The following DGKD variants were observed in gnomAD, a reference collection of about 807,000 sequenced individuals.
The protein encoded by DGKD is diacylglycerol kinase delta.
DGKD carries 68 observed loss-of-function variants against 154.4 expected under a neutral mutation model. The observed-to-expected ratio is 0.44, with a 90% CI of 0.36 to 0.54. DGKD has a LOEUF of 0.54. DGKD is among the 20% of genes least tolerant of loss of function. DGKD has a pLI of 0.00. For synonymous variants in DGKD, 693 were observed against 638.0 expected (o/e 1.09, Z -1.30); for missense variants, 1,343 against 1,593.6 (o/e 0.84, Z 2.68).
chr2:233,365,754 A>T (rs1701994890), intron 1 of DGKD, among the ~76,000 whole-genome samples: 1 of 152,308 alleles, frequency 6.6e-6, no homozygotes, highest in Non-Finnish European at 1.5e-5. Context: ...GAAAATCTCA[A>T]TGTATTTGGA....
At chr2:233,359,178 C>T (rs774299397) in intron 1 of DGKD, among the ~76,000 whole-genome samples, 3 of 152,184 alleles carry the variant, frequency 2.0e-5, no homozygotes, top group Non-Finnish European at 4.4e-5. Flanking sequence ...TCAGACCCTG[C>T]GCTTCTAGTT....
intron 11 of DGKD, among the ~76,000 whole-genome samples, 154 bp from the exon 12 acceptor site, chr2:233,446,558 C>T (rs750816595): frequency 1.9e-4 from 29 of 152,172 alleles, no homozygotes; most frequent in Non-Finnish European, 2.9e-4. Context: ...TGTTCTCAGC[C>T]AAGTTATGGG....
chr2:233,360,711 T>A (rs1293584115), intron 1 of DGKD, among the ~76,000 whole-genome samples: 1 of 152,178 alleles, frequency 6.6e-6, no homozygotes, highest in Non-Finnish European at 1.5e-5. Context: ...TGAGAGTAAA[T>A]CATCGTGAAC....
chr2:233,462,953 G>A (rs2063697374), intron 26 of DGKD, among the ~76,000 whole-genome samples: 4 of 152,216 alleles, frequency 2.6e-5, no homozygotes, highest in South Asian at 4.1e-4. Context: ...CGCTTGCAGC[G>A]GAAACACCCT....
rs574270540 is a variant in DGKD at position 233,457,985 on chromosome 2, G to T, written c.2581-299G>T. ...CTGGCCCCAGTCCTGGCACTCTGCAGCGTTAACTCACTTGGCCCTACTGAT... is the reference window on the plus strand; with the variant it reads ...CTGGCCCCAGTCCTGGCACTCTGCATCGTTAACTCACTTGGCCCTACTGAT... On this transcript the variant is annotated intron_variant, in intron 21 of 29. Coordinates refer to ENST00000264057, the MANE Select transcript of DGKD (RefSeq NM_152879.3). This position sits in a 1 kb window ranked among gnomAD's most constrained non-coding sequence, Gnocchi z 5.5. Among the ~76,000 whole-genome samples, 47 of 152,214 alleles carry T rather than the reference G, an allele frequency of 3.1e-4. No individual in the cohort carries two copies. The highest frequency in any genetic ancestry group is 6.0e-4 in the Non-Finnish European group (41 of 68,026).
At chr2:233,447,893 C>T (rs927431380) in intron 12 of DGKD, 194 bp from the exon 13 acceptor site, 15 of 1,417,950 alleles carry the variant, frequency 1.1e-5, no homozygotes, top group Non-Finnish European at 1.3e-5. Flanking sequence ...TAAAATCTCT[C>T]ACCTAGCACT....
chr2:233,428,868 T>G lies in DGKD; in HGVS notation c.349-5512T>G, dbSNP rs549576900. On this transcript the variant is annotated intron_variant, in intron 3 of 29. Transcript: ENST00000264057. ...CAACAGAACAGGCACAAATAAGAGG[T>G]TTTTTTTTGTTGTTGTTGTTGTTGT... is the stretch of plus-strand genomic sequence containing the variant. Among the ~76,000 whole-genome samples the G allele has an allele frequency of 5.8e-5, 8 of 137,426 alleles. No individual in the cohort carries two copies. In the East Asian group the frequency reaches 5.9e-4, roughly 10 times the overall value. The allele number at this position is 137,426 out of a possible 152,430, so 90.2% of individuals were successfully genotyped here.
At chr2:233,461,960 G>A (rs557497909) in intron 24 of DGKD, among the ~76,000 whole-genome samples, 23 of 152,364 alleles carry the variant, frequency 1.5e-4, no homozygotes, top group Admixed American at 6.5e-4. Flanking sequence ...TTTGTCCCCA[G>A]GGACAGACCG....
chr2:233,463,270 CT>C (rs2063709365), intron 26 of DGKD, among the ~76,000 whole-genome samples: 1 of 152,108 alleles, frequency 6.6e-6, no homozygotes, highest in Non-Finnish European at 1.5e-5. Context: ...CACCTCCTCA[CT>C]GCACGCGTCT....
rs780828373 is a variant in DGKD, at chr2:233,440,985, G to A, written c.1086-902G>A. 1.3e-5 allele frequency among the ~76,000 whole-genome samples: 2 copies of A among 152,164 alleles called. No individual in the cohort carries two copies. Among genetic ancestry groups the A allele is most frequent in the African/African-American group, 2.4e-5 (1 of 41,424 alleles). On this transcript the variant is annotated intron_variant, in intron 9 of 29. Transcript: ENST00000264057. The surrounding 1 kb of genome is among the most constrained non-coding windows in gnomAD (Gnocchi z 4.9). ...TGGCCTCTGGACTGGGTTGGTGGTC[G>A]AGCTACCATTCTCCGAGTAGGGATG...
rs891491522 is a variant in DGKD, at chr2:233,469,535, T to C, written c.*75T>C. On this transcript the variant is annotated 3_prime_UTR_variant, in exon 30 of 30. Coordinates refer to ENST00000264057, the MANE Select transcript of DGKD (RefSeq NM_152879.3). ...GCCTCCGCCCTCTCAGCCTGTGGCC[T>C]CTGCGCCTCCTGCCACTGAGGCCCT... 1 of 1,326,788 alleles carries C rather than the reference T, an allele frequency of 7.5e-7. No individual in the cohort carries two copies. 82.2% of individuals were successfully genotyped at this position (1,326,788 alleles called of 1,614,324 possible). A position where few individuals can be genotyped will look rare whatever the true frequency, so the allele number is the denominator to read the frequency against.
intron 26 of DGKD, chr2:233,463,755 C>A: frequency 4.2e-6 from 1 of 235,808 alleles, no homozygotes; most frequent in Non-Finnish European, 8.6e-6. Context: ...CCATGCCTCC[C>A]CTCGTCCCAC....
At chr2:233,398,289 C>T (rs2061472844) in intron 3 of DGKD, among the ~76,000 whole-genome samples, 1 of 151,630 alleles carries the variant, frequency 6.6e-6, no homozygotes. Flanking sequence ...AGTACAGGTG[C>T]CGCCACCACG....
At chr2:233,361,064 A>G (rs11675531) in intron 1 of DGKD, among the ~76,000 whole-genome samples, 1 of 151,026 alleles carries the variant, frequency 6.6e-6, no homozygotes, top group Non-Finnish European at 1.5e-5. Flanking sequence ...CCCTGGGGAA[A>G]GAACACTGGG....
intron 12 of DGKD, chr2:233,447,414 G>T: frequency 1.1e-6 from 1 of 946,852 alleles, no homozygotes; most frequent in Non-Finnish European, 1.3e-6. Flanking sequence ...TTTGTCAGGG[G>T]CTAGGGCAAC....
rs750379521 is a variant in DGKD, at chr2:233,452,311, C to A, written c.2264+251C>A. Among the ~76,000 whole-genome samples, 1 of 152,216 alleles carries A rather than the reference C, an allele frequency of 6.6e-6. No individual in the cohort carries two copies. The highest frequency in any genetic ancestry group is 6.5e-5 in the Admixed American group (1 of 15,286). On this transcript the variant is annotated intron_variant, in intron 18 of 29. Transcript: ENST00000264057. This position sits in a 1 kb window ranked among gnomAD's most constrained non-coding sequence, Gnocchi z 4.0. ...AGGTCCCACGGTGCTTGCTTGACGT[C>A]CCCTGAGCCTGCATGCCCTTCTGAG...
intron 28 of DGKD, among the ~76,000 whole-genome samples, chr2:233,467,897 T>C (rs554908887): frequency 1.3e-5 from 2 of 152,318 alleles, no homozygotes; most frequent in East Asian, 3.9e-4. Flanking sequence ...ACTATGTGAA[T>C]TGAAATCTCT....
chr2:233,416,889 G>A (rs560414407), intron 3 of DGKD, among the ~76,000 whole-genome samples: 4 of 152,282 alleles, frequency 2.6e-5, no homozygotes, highest in African/African-American at 7.2e-5. Flanking sequence ...GGTCACTAAC[G>A]CAGGATGCAG....
In DGKD at chr2:233,434,614, A is replaced by G. The variant is rs952151856; in HGVS notation, c.453+130A>G. On this transcript the variant is annotated intron_variant, in intron 4 of 29. Coordinates refer to ENST00000264057, the MANE Select transcript of DGKD (RefSeq NM_152879.3). ...ACGTTCTTAGCATGTTCTTTATACAATTAAAGCTTATTGCTTGTCCTCTCA... is the reference window on the plus strand; with the variant it reads ...ACGTTCTTAGCATGTTCTTTATACAGTTAAAGCTTATTGCTTGTCCTCTCA... 1.3e-5 allele frequency: 19 copies of G among 1,429,416 alleles called. No homozygotes were observed. The Admixed American group carries it at 2.2e-4, about 17-fold the overall frequency. The allele number at this position is 1,429,416 out of a possible 1,614,324, so 88.5% of individuals were successfully genotyped here. A position where few individuals can be genotyped will look rare whatever the true frequency, so the allele number is the denominator to read the frequency against.
Sources: allele counts gnomAD v4.1 joint callset (sites outside exome capture counted in the v4.1 genomes callset), GRCh38; gene constraint gnomAD v4.1.1; non-coding constraint Gnocchi (gnomAD v3.1); transcripts MANE v1.5; gene names NCBI Gene and HGNC (gene_info 2026-07-23, HGNC 2026-07-21).